PID1: variants seen among roughly 807,000 people sequenced by gnomAD.
The protein encoded by PID1 is PTB-containing, cubilin and LRP1-interacting protein.
A neutral mutation model predicts 19.1 loss-of-function variants in PID1; 10 were observed. That is an observed-to-expected ratio of 0.52 (90% CI 0.32 to 0.89). The LOEUF (loss-of-function observed/expected upper bound fraction) is 0.89. PID1 is among the 40% of genes least tolerant of loss of function. The pLI is 0.03. For missense variants in PID1, 248 were observed against 285.3 expected, an observed-to-expected ratio of 0.87 and a Z score of 0.94; for synonymous variants, 130 against 116.0, an observed-to-expected ratio of 1.12 and a Z score of -0.78.
At chr2:229,136,054 A>G (rs182149454) in intron 2 of PID1, among the ~76,000 whole-genome samples, 1 of 152,136 alleles carries the variant, frequency 6.6e-6, no homozygotes, top group Non-Finnish European at 1.5e-5. Context: ...TTACAAAAAA[A>G]CTCTGTTGTC....
At chr2:229,182,161 T>C (rs142485842) in intron 1 of PID1, among the ~76,000 whole-genome samples, 15 of 152,290 alleles carry the variant, frequency 9.8e-5, no homozygotes, top group African/African-American at 3.6e-4. Flanking sequence ...CCCAAACTCA[T>C]AGAAGTACAA....
intron 2 of PID1, among the ~76,000 whole-genome samples, chr2:229,095,631 C>T (rs925890218): frequency 1.3e-5 from 2 of 152,048 alleles, no homozygotes; most frequent in African/African-American, 4.8e-5. Context: ...ATATCAGAAA[C>T]CATTCATACA....
intron 1 of PID1, among the ~76,000 whole-genome samples, chr2:229,213,132 G>T (rs1465164506): frequency 6.6e-6 from 1 of 152,160 alleles, no homozygotes; most frequent in African/African-American, 2.4e-5. Context: ...CAGGCTCTGT[G>T]ACTTACTACC....
intron 2 of PID1, among the ~76,000 whole-genome samples, chr2:229,077,154 G>A (rs943046079): frequency 2.6e-5 from 4 of 152,150 alleles, no homozygotes; most frequent in African/African-American, 9.7e-5. Context: ...GTGATGATGA[G>A]TTCTTTTTCA....
chr2:229,164,660 A>T lies in PID1; in HGVS notation c.31-8696T>A, dbSNP rs991589183. Among the ~76,000 whole-genome samples, 3 of 152,340 alleles carry T rather than the reference A, an allele frequency of 2.0e-5. No individual in the cohort carries two copies. The East Asian group carries it at 5.8e-4, about 29-fold the overall frequency. On this transcript the variant is annotated intron_variant, in intron 1 of 2. Transcript: ENST00000392055. ...AAACAACCAGAAGTTAAGAAACAAC[A>T]GTTTGTGACCCTGGGTATGAAGCAA...
chr2:229,064,121 C>T (rs1694272233), intron 2 of PID1, among the ~76,000 whole-genome samples: 2 of 152,082 alleles, frequency 1.3e-5, no homozygotes, highest in Admixed American at 1.3e-4. Context: ...TTCAAGAAGG[C>T]AAATAACATG....
intron 2 of PID1, among the ~76,000 whole-genome samples, chr2:229,044,093 T>G (rs1693827036): frequency 6.6e-6 from 1 of 152,208 alleles, no homozygotes; most frequent in African/African-American, 2.4e-5. Flanking sequence ...TTTTATTGTT[T>G]TAGGAAATGT....
At chr2:229,035,633 G>A (rs575300697) in intron 2 of PID1, among the ~76,000 whole-genome samples, 9 of 152,010 alleles carry the variant, frequency 5.9e-5, no homozygotes, top group East Asian at 1.9e-4. Flanking sequence ...AGCTGGTCTC[G>A]GAAAAGTGAG....
intron 2 of PID1, among the ~76,000 whole-genome samples, chr2:229,108,889 G>A (rs1459720606): frequency 1.3e-5 from 2 of 152,184 alleles, no homozygotes; most frequent in African/African-American, 4.8e-5. Flanking sequence ...CAATAATAGA[G>A]TAATGAGGCT....
intron 1 of PID1, among the ~76,000 whole-genome samples, chr2:229,177,184 G>A (rs1422437356): frequency 2.0e-5 from 3 of 152,098 alleles, no homozygotes; most frequent in Admixed American, 6.6e-5. Flanking sequence ...CTCCTACCAA[G>A]CCCCTCTCAC....
intron 2 of PID1, among the ~76,000 whole-genome samples, chr2:229,122,833 C>T (rs1695549130): frequency 6.6e-6 from 1 of 152,036 alleles, no homozygotes; most frequent in South Asian, 2.1e-4. Context: ...GAAAGGCCTC[C>T]AAAAGTTGAT....
rs550525121 is a variant in PID1, at chr2:229,229,038, G to A, written c.30+41976C>T. ...TCATCAAATTAGATAATGGAGACAC[G>A]GTCTGCTGACTTCCCTTTCCAACCC... On this transcript the variant is annotated intron_variant, in intron 1 of 2. Coordinates refer to ENST00000392055, the MANE Select transcript of PID1 (RefSeq NM_001100818.2). 5.9e-5 allele frequency among the ~76,000 whole-genome samples: 9 copies of A among 152,242 alleles called. 1 individual carries two copies. Among genetic ancestry groups the A allele is most frequent in the South Asian group, 2.1e-4 (1 of 4,816 alleles).
intron 2 of PID1, among the ~76,000 whole-genome samples, chr2:229,117,455 T>C (rs1695432320): frequency 1.3e-5 from 2 of 152,170 alleles, no homozygotes; most frequent in South Asian, 2.1e-4. Flanking sequence ...GCCTGGATTA[T>C]TGCAAAAATC....
intron 2 of PID1, among the ~76,000 whole-genome samples, chr2:229,081,079 C>T (rs996325409): frequency 2.6e-5 from 4 of 152,174 alleles, no homozygotes; most frequent in Admixed American, 1.3e-4. Context: ...TTCACCTCCC[C>T]GAATACATAC....
chr2:229,119,571 T>C (rs1030432891), intron 2 of PID1, among the ~76,000 whole-genome samples: 1 of 152,206 alleles, frequency 6.6e-6, no homozygotes, highest in South Asian at 2.1e-4. Context: ...TTTAGCATAA[T>C]ACCTTTACAG....
chr2:229,138,407 G>A (rs1005289158), intron 2 of PID1, among the ~76,000 whole-genome samples: 3 of 152,190 alleles, frequency 2.0e-5, no homozygotes, highest in African/African-American at 7.2e-5. Context: ...TACCGAGAAC[G>A]TCTTGGAGAA....
At chr2:229,094,878 GA>G (rs1006618478) in intron 2 of PID1, among the ~76,000 whole-genome samples, 11 of 151,412 alleles carry the variant, frequency 7.3e-5, no homozygotes, top group African/African-American at 2.7e-4. Context: ...ACAAACAAAA[GA>G]AAAAAACAAG....
chr2:229,218,859 A>G (rs1378810682), intron 1 of PID1, among the ~76,000 whole-genome samples: 2 of 152,210 alleles, frequency 1.3e-5, no homozygotes, highest in African/African-American at 2.4e-5. Context: ...GATTTACTCA[A>G]CAGAAACCCT....
At chr2:229,186,184 T>A (rs138021716) in intron 1 of PID1, among the ~76,000 whole-genome samples, 21 of 152,242 alleles carry the variant, frequency 1.4e-4, no homozygotes, top group South Asian at 4.2e-4. Flanking sequence ...AAAAGGTGAG[T>A]TCCTATGGTC....
Sources: allele counts gnomAD v4.1 joint callset (sites outside exome capture counted in the v4.1 genomes callset), GRCh38; gene constraint gnomAD v4.1.1; transcripts MANE v1.5; gene names NCBI Gene and HGNC (gene_info 2026-07-23, HGNC 2026-07-21).